The following FN1 variants were observed in gnomAD, a reference collection of about 807,000 sequenced individuals.
FN1 encodes fibronectin.
FN1 carries 106 observed loss-of-function variants against 297.3 expected under a neutral mutation model. That is an observed-to-expected ratio of 0.36 (90% confidence interval 0.30 to 0.42). The LOEUF is 0.42. Ranked by LOEUF, FN1 falls within the 10% of genes least tolerant of loss-of-function variation. The probability of loss-of-function intolerance (pLI) is 1.00; values close to 1 mark genes in which losing one functional copy is unlikely to be tolerated. For missense variants in FN1, 2,690 were observed against 3,124.9 expected (o/e 0.86, Z 3.32); for synonymous variants, 1,149 against 1,152.6 (o/e 1.00, Z 0.06).
intron 44 of FN1, chr2:215,364,487 A>G (rs964781101): frequency 6.6e-6 from 2 of 303,836 alleles, no homozygotes; most frequent in Non-Finnish European, 1.3e-5. Context: ...AACACATTCT[A>G]TTTACCACTA....
At position 215,407,255 on chromosome 2, in the gene FN1, G is replaced by A. The variant is rs1207724545; in HGVS notation, c.2585C>T (p.Ala862Val). The stretch of plus-strand genomic sequence containing the variant: ...CAAGTCACTGAGGGTGACGGAGTTT[G>A]CAGTTTCAGGAAGGTTGAGTTCTGT... ...SSTELNLPET[A>V]NSVTLSDLQP... Residue 862 changes from alanine to valine, a missense_variant, in exon 18 of 46, where the codon GCA (alanine) becomes GTA (valine). Around this residue, in one of 3 missense-constraint regions of FN1, gnomAD observed 71 missense variants for 121.7 expected, o/e 0.58. Transcript: ENST00000354785. The A allele has an allele frequency of 6.2e-7, 1 of 1,614,106 alleles. No homozygotes were observed. The highest frequency in any genetic ancestry group is 1.1e-5 in the South Asian group (1 of 91,084).
chr2:215,373,190 C>G, intron 39 of FN1, 132 bp downstream of exon 39: 1 of 713,948 alleles, frequency 1.4e-6, no homozygotes, highest in Non-Finnish European at 2.5e-6. Context: ...ACAATATATA[C>G]ACTATGCTGT....
In FN1 at chr2:215,417,931, C is replaced by T. The variant is rs191078450; in HGVS notation, c.1819+1311G>A. ...GGAAATCATTTTCAGCAAATTGCAA[C>T]ACCAATAACAATCATAAATATAGAA... On this transcript the variant is annotated intron_variant, in intron 12 of 45. Transcript: ENST00000354785. Among the ~76,000 whole-genome samples the T allele has an allele frequency of 5.8e-3, 890 of 152,276 alleles. 3 individuals carry two copies. The highest frequency in any genetic ancestry group is 0.014 in the Middle Eastern group (4 of 294).
intron 38 of FN1, 75 bp downstream of exon 38, chr2:215,375,139 G>A (rs566435970): frequency 4.3e-5 from 59 of 1,367,676 alleles, no homozygotes; most frequent in African/African-American, 5.7e-5. Flanking sequence ...TATCAAAGAC[G>A]CTGTGGGAGT....
intron 14 of FN1, 30 bp from the exon 15 acceptor site, chr2:215,409,769 C>A: frequency 6.2e-7 from 1 of 1,612,994 alleles, no homozygotes; most frequent in Non-Finnish European, 8.5e-7. Flanking sequence ...GGAAAGTCAG[C>A]CTTCAGTCAT....
At position 215,404,393 on chromosome 2, in the gene FN1, G is replaced by A. The variant is rs2061510227; in HGVS notation, c.3249C>T (p.Thr1083=). ...GGCACTTAATTTTCAGCTTACGTGTGGTAAAGACTCCAGTGGCTTTGGGGC... is the reference window on the plus strand; with the variant it reads ...GGCACTTAATTTTCAGCTTACGTGTAGTAAAGACTCCAGTGGCTTTGGGGC... ...QESPKATGVF[T]TLQPGSSIPP... Residue 1083 remains threonine, a synonymous_variant, in exon 20 of 46, where the codon ACC becomes ACT. Transcript: ENST00000354785. 6.2e-7 allele frequency: 1 copy of A among 1,613,618 alleles called. No individual in the cohort carries two copies. The highest frequency in any genetic ancestry group is 1.7e-5 in the Admixed American group (1 of 59,964).
In FN1 at chr2:215,397,855, G is replaced by A; in HGVS notation, c.3349-7C>T. The A allele has an allele frequency of 6.2e-7, 1 of 1,613,784 alleles. No homozygotes were observed. Among genetic ancestry groups the A allele is most frequent in the Admixed American group, 1.7e-5 (1 of 60,022 alleles). On this transcript the variant is annotated splice_region_variant and splice_polypyrimidine_tract_variant and intron_variant, in intron 21 of 45. Transcript: ENST00000354785. ...GGCTTGGTCGTACACCCAGCTAGAGGAAGGAATGCAAAGTAAACACCAAGG... is the reference window on the plus strand; with the variant it reads ...GGCTTGGTCGTACACCCAGCTAGAGAAAGGAATGCAAAGTAAACACCAAGG...
chr2:215,361,956 C>G lies in FN1; in HGVS notation c.7362+13G>C. 1 of 1,611,654 alleles carries G rather than the reference C, an allele frequency of 6.2e-7. No individual in the cohort carries two copies. The highest frequency in any genetic ancestry group is 8.5e-7 in the Non-Finnish European group (1 of 1,178,192). ...AGTATGAGGGAACACACTTGTGCTG[C>G]TAATGCACTTACAGTGTTTGTTCTC... On this transcript the variant is annotated intron_variant, in intron 45 of 45. Transcript: ENST00000354785.
intron 23 of FN1, 74 bp from the exon 24 acceptor site, chr2:215,394,793 G>C: frequency 8.5e-7 from 1 of 1,172,056 alleles, no homozygotes; most frequent in South Asian, 1.2e-5. Flanking sequence ...AGACTCCAAT[G>C]ATGGATTCAC....
rs764004574 is a variant in FN1, at chr2:215,381,072, G to A, written c.5173C>T (p.Arg1725Cys). The change falls in exon 33 of 46, where the codon CGC (arginine) becomes TGC (cysteine). Residue 1725 changes from arginine (R) to cysteine (C), a missense_variant. By Grantham distance (180) the Arg-to-Cys change is radical. Around this residue, in one of 3 missense-constraint regions of FN1, gnomAD observed 1,743 missense variants for 1,945.2 expected, o/e 0.90. Coordinates refer to ENST00000354785, the MANE Select transcript of FN1 (RefSeq NM_212482.4). ...TCAGTGAATGCCAGTCCTTTAGGGC[G>A]ATCAATGTCTGTTAGGCAAATTAAT... ...LVQTAVTNID[R>C]PKGLAFTDVD... 10 of 1,614,096 alleles carry A rather than the reference G, an allele frequency of 6.2e-6. No homozygotes were observed. Among genetic ancestry groups the A allele is most frequent in the East Asian group, 2.2e-5 (1 of 44,884 alleles).
chr2:215,412,792 G>T (rs1434506216), intron 13 of FN1, among the ~76,000 whole-genome samples: 2 of 72,006 alleles, frequency 2.8e-5, no homozygotes, highest in Non-Finnish European at 6.1e-5. Context: ...TACTTCATCA[G>T]CTTTTGGTAC....
chr2:215,407,512 G>A lies in FN1; in HGVS notation c.2519-191C>T, dbSNP rs1003011023. On this transcript the variant is annotated intron_variant, in intron 17 of 45. Coordinates refer to ENST00000354785, the MANE Select transcript of FN1 (RefSeq NM_212482.4). ...ACTATTCAGCACGAAGATAAAATAA[G>A]AACAGTCATGCGAACCTTTTTAATA... 3.3e-5 allele frequency among the ~76,000 whole-genome samples: 5 copies of A among 152,156 alleles called. No individual in the cohort carries two copies. In the East Asian group the frequency reaches 9.6e-4, roughly 29 times the overall value.
chr2:215,435,568 G>A (rs2067327228), intron 1 of FN1, 87 bp downstream of exon 1: 1 of 1,570,966 alleles, frequency 6.4e-7, no homozygotes, highest in South Asian at 1.1e-5. Flanking sequence ...GCACACACGC[G>A]CGCGCACAAA....
In FN1 at chr2:215,384,026, G is replaced by C; in HGVS notation, c.4888C>G (p.Arg1630Gly). Reference protein sequence around the residue: ...ASSKPISINYRTEIDKPSQMQ... With the variant: ...ASSKPISINYGTEIDKPSQMQ... Reference sequence around the variant, plus strand: ...CCAGAGTAGAAGTTTGTACCTGTTCGGTAATTAATGGAAATTGGCTTGCTG... The same window carrying C: ...CCAGAGTAGAAGTTTGTACCTGTTCCGTAATTAATGGAAATTGGCTTGCTG... Residue 1630 changes from arginine to glycine, a missense_variant, in exon 30 of 46, where the codon CGA becomes GGA. Arg to Gly is a moderately radical substitution (Grantham distance 125). Coordinates refer to ENST00000354785, the MANE Select transcript of FN1 (RefSeq NM_212482.4). 6.2e-7 allele frequency: 1 copy of C among 1,614,060 alleles called. No individual in the cohort carries two copies. Among genetic ancestry groups the C allele is most frequent in the Non-Finnish European group, 8.5e-7 (1 of 1,179,980 alleles).
At chr2:215,365,265 T>C (rs1407572152) in intron 43 of FN1, among the ~76,000 whole-genome samples, 1 of 152,230 alleles carries the variant, frequency 6.6e-6, no homozygotes, top group Non-Finnish European at 1.5e-5. Context: ...AGCATTTTAC[T>C]GCAGATAATG....
At position 215,376,786 on chromosome 2, in the gene FN1, T is replaced by C. The variant is rs185785701; in HGVS notation, c.5711-112A>G. 1.5e-5 allele frequency: 13 copies of C among 873,776 alleles called. No individual in the cohort carries two copies. The African/African-American group carries it at 2.0e-4, about 13-fold the overall frequency. 54.1% of individuals were successfully genotyped at this position (873,776 alleles called of 1,614,324 possible). On this transcript the variant is annotated intron_variant, in intron 35 of 45. Coordinates refer to ENST00000354785, the MANE Select transcript of FN1 (RefSeq NM_212482.4). Reference sequence around the variant, plus strand: ...TCAAATTCATCCATTTCAAGAAATATATAACTAGTAATGTGTAGATTATCT... The same window carrying C: ...TCAAATTCATCCATTTCAAGAAATACATAACTAGTAATGTGTAGATTATCT...
chr2:215,401,754 C>T lies in FN1; in HGVS notation c.3254-2403G>A, dbSNP rs566931165. Among the ~76,000 whole-genome samples the T allele has an allele frequency of 1.2e-3, 185 of 151,932 alleles. 1 individual carries two copies. The highest frequency in any genetic ancestry group is 0.011 in the Admixed American group (169 of 15,274). On this transcript the variant is annotated intron_variant, in intron 20 of 45. Transcript: ENST00000354785. ...AATTTAGAATCAACATCGCAATTCT[C>T]GCATTTTTTTTTCAGTCTGGATTCT...
chr2:215,377,256 G>A (rs2057459286), intron 35 of FN1, among the ~76,000 whole-genome samples: 1 of 152,134 alleles, frequency 6.6e-6, no homozygotes, highest in Non-Finnish European at 1.5e-5. Flanking sequence ...TAGAATCTAA[G>A]CCTGATTTGG....
At chr2:215,392,459 C>CCATCCA in intron 25 of FN1, 1 of 200,214 alleles carries the variant, frequency 5.0e-6, no homozygotes, top group South Asian at 8.3e-5. Context: ...AAAACAATGC[C>CCATCCA]CATCCACTCT....
Sources: allele counts gnomAD v4.1 joint callset (sites outside exome capture counted in the v4.1 genomes callset), GRCh38; gene constraint gnomAD v4.1.1; regional missense constraint gnomAD v4.1.1; transcripts MANE v1.5; gene names NCBI Gene and HGNC (gene_info 2026-07-23, HGNC 2026-07-21).